ARL10: variants seen among roughly 807,000 people sequenced by gnomAD.
The protein encoded by ARL10 is ARF like GTPase 10, also known as ADP-ribosylation factor-like protein 10.
ARL10 carries 23 observed loss-of-function variants against 26.1 expected under a neutral mutation model. That is an observed-to-expected ratio of 0.88 (90% CI 0.63 to 1.25). The LOEUF (loss-of-function observed/expected upper bound fraction) is 1.25. Ranked by LOEUF, ARL10 falls within the 50% of genes most tolerant of loss-of-function variation. The pLI, the probability that ARL10 is intolerant of heterozygous loss-of-function variation, is 0.00. For synonymous variants in ARL10, 138 were observed against 149.1 expected (o/e 0.93, Z 0.54); for missense variants, 300 against 323.6 (o/e 0.93, Z 0.56).
At chr5:176,367,621 T>C (rs1581391955) in intron 2 of ARL10, among the ~76,000 whole-genome samples, 1 of 152,264 alleles carries the variant, frequency 6.6e-6, no homozygotes, top group East Asian at 1.9e-4. Context: ...CTTCTTGCAG[T>C]GCCTCAGCAC....
downstream of ARL10, among the ~76,000 whole-genome samples, chr5:176,390,133 G>A (rs925425922): frequency 7.2e-6 from 1 of 139,672 alleles, no homozygotes; most frequent in Non-Finnish European, 1.5e-5. Context: ...GGTGAGCTGA[G>A]ATCGCGCCAT....
rs1182578703 is a variant in ARL10 at position 176,380,810 on chromosome 5, G to C, written c.*8915G>C. The C allele has an allele frequency of 6.6e-6, 1 of 152,060 alleles. No individual in the cohort carries two copies. Among genetic ancestry groups the C allele is most frequent in the African/African-American group, 2.4e-5 (1 of 41,370 alleles). 9.4% of individuals were successfully genotyped at this position (152,060 alleles called of 1,614,324 possible). A position where few individuals can be genotyped will look rare whatever the true frequency, so the allele number is the denominator to read the frequency against. On this transcript the variant is annotated 3_prime_UTR_variant, in exon 4 of 4. Coordinates refer to ENST00000310389, the MANE Select transcript of ARL10 (RefSeq NM_173664.6). ...AGATAGAGTGTTGTTTTGTCGCCCA[G>C]GCTGGAGTGCAGTGGCGTGATCTCG...
chr5:176,383,534 T>C (rs2113571171), downstream of ARL10, among the ~76,000 whole-genome samples: 1 of 152,330 alleles, frequency 6.6e-6, no homozygotes. Context: ...GGGCCTCGGA[T>C]TCACTTCAGA....
chr5:176,365,737 C>A lies in ARL10; in HGVS notation c.174C>A (p.Asp58Glu). 1 of 1,236,020 alleles carries A rather than the reference C, an allele frequency of 8.1e-7. No homozygotes were observed. The highest frequency in any genetic ancestry group is 4.2e-5 in the Admixed American group (1 of 23,688). 76.6% of individuals were successfully genotyped at this position (1,236,020 alleles called of 1,614,324 possible). A position where few individuals can be genotyped will look rare whatever the true frequency, so the allele number is the denominator to read the frequency against. Residue 58 changes from aspartate to glutamate, a missense_variant, in exon 1 of 4, where the codon GAC becomes GAA. Transcript: ENST00000310389. ...GAEAARLPEW[D>E]EWDPEDEEDE... ...AGGCTGCCCGCCTCCCCGAGTGGGACGAGTGGGACGTGAGTGCCGGGCCGA... is the reference window on the plus strand; with the variant it reads ...AGGCTGCCCGCCTCCCCGAGTGGGAAGAGTGGGACGTGAGTGCCGGGCCGA...
downstream of ARL10, chr5:176,384,267 G>A (rs377105294): frequency 1.3e-5 from 21 of 1,614,088 alleles, no homozygotes; most frequent in East Asian, 4.5e-5. Context: ...GCAAAGAATC[G>A]AGGAAGTCTT....
At chr5:176,390,370 C>T (rs550613242), downstream of ARL10, among the ~76,000 whole-genome samples, 17 of 152,126 alleles carry the variant, frequency 1.1e-4, no homozygotes, top group East Asian at 5.8e-4. Flanking sequence ...CCCTCCACTC[C>T]GCATAACCTC....
intron 2 of ARL10, among the ~76,000 whole-genome samples, chr5:176,367,505 G>A (rs1371935591): frequency 6.6e-6 from 1 of 152,144 alleles, no homozygotes; most frequent in Non-Finnish European, 1.5e-5. Flanking sequence ...CCCATGTCAG[G>A]TAATGTCACT....
the ARL10 span, among the ~76,000 whole-genome samples, chr5:176,415,056 T>C: frequency 6.6e-6 from 1 of 152,238 alleles, no homozygotes; most frequent in Non-Finnish European, 1.5e-5. Context: ...AAACCTGTTT[T>C]GGATGTACCC....
At chr5:176,386,956 A>G in intron 1 of ARL10, 1 of 1,522,734 alleles carries the variant, frequency 6.6e-7, no homozygotes, top group Non-Finnish European at 9.1e-7. Context: ...TTGATGAGGG[A>G]AAGTTATAGA....
chr5:176,400,136 G>T (rs968816731), intron 1 of ARL10, among the ~76,000 whole-genome samples: 4 of 151,276 alleles, frequency 2.6e-5, no homozygotes, highest in Admixed American at 2.6e-4. Flanking sequence ...AGGGGAGGCT[G>T]CAGTGAGCCA....
chr5:176,387,318 A>G (rs1241244763), intron 1 of ARL10, among the ~76,000 whole-genome samples: 2 of 152,146 alleles, frequency 1.3e-5, no homozygotes, highest in Admixed American at 1.3e-4. Flanking sequence ...GGCCTCAAGT[A>G]ATCCGTCTGT....
downstream of ARL10, among the ~76,000 whole-genome samples, chr5:176,393,290 A>G (rs933171193): frequency 6.6e-6 from 1 of 152,212 alleles, no homozygotes; most frequent in Middle Eastern, 3.4e-3. This position sits in a 1 kb window ranked among gnomAD's most constrained non-coding sequence, Gnocchi z 4.4. Context: ...GGAGTTCCCA[A>G]CCTGAGGTTC....
At chr5:176,413,879 G>A in the ARL10 span, among the ~76,000 whole-genome samples, 1 of 152,210 alleles carries the variant, frequency 6.6e-6, no homozygotes, top group South Asian at 2.1e-4. Flanking sequence ...GCGCCTGGGA[G>A]ACCCTCAGAA....
downstream of ARL10, among the ~76,000 whole-genome samples, chr5:176,402,220 C>T (rs760633881): frequency 2.0e-5 from 3 of 152,156 alleles, no homozygotes; most frequent in Non-Finnish European, 2.9e-5. Context: ...GAGAATTGAA[C>T]CCGGGAGATG....
chr5:176,383,130 A>G (rs1375619995), downstream of ARL10, among the ~76,000 whole-genome samples: 1 of 152,122 alleles, frequency 6.6e-6, no homozygotes, highest in Non-Finnish European at 1.5e-5. Context: ...CAGACTTCAA[A>G]CCCCACCTTG....
chr5:176,371,875 C>T lies in ARL10; in HGVS notation c.715C>T (p.Leu239Phe). The T allele has an allele frequency of 6.2e-7, 1 of 1,614,150 alleles. No homozygotes were observed. The highest frequency in any genetic ancestry group is 1.7e-5 in the Admixed American group (1 of 60,010). ...EPGTVHIWKL[L>F]LELLS ...TGGCACCGTGCACATCTGGAAACTG[C>T]TCTTGGAGCTCCTCTCCTAGGCTGG... is the stretch of plus-strand genomic sequence containing the variant. The change falls in exon 4 of 4, where the codon CTC becomes TTC. Residue 239 changes from leucine to phenylalanine, a missense_variant. Transcript: ENST00000310389.
Position 176,380,066 on chromosome 5 carries a change from TAG to T in ARL10, c.*8176_*8177del, listed in dbSNP as rs1167356549. On this transcript the variant is annotated 3_prime_UTR_variant, in exon 4 of 4. Coordinates refer to ENST00000310389, the MANE Select transcript of ARL10 (RefSeq NM_173664.6). ...GGTTACAGCAGGCAGGCTGGTTGAC[TAG>T]AGAGTCTCACTTTGTAAGGCATTTG... 3 of 152,218 alleles carry T rather than the reference TAG, an allele frequency of 2.0e-5. No homozygotes were observed. The highest frequency in any genetic ancestry group is 7.2e-5 in the African/African-American group (3 of 41,464). The allele number at this position is 152,218 out of a possible 1,614,324, so 9.4% of individuals were successfully genotyped here.
Position 176,368,629 on chromosome 5 carries a change from G to A in ARL10, c.386-178G>A, listed in dbSNP as rs575433632. Reference sequence around the variant, plus strand: ...AAACTGCGGTCTTTTCCTTGCCCCCGGCTGGTGGAAGCTCACTAAGCTAGA... The same window carrying A: ...AAACTGCGGTCTTTTCCTTGCCCCCAGCTGGTGGAAGCTCACTAAGCTAGA... On this transcript the variant is annotated intron_variant, in intron 2 of 3. Transcript: ENST00000310389. This position sits in a 1 kb window ranked among gnomAD's most constrained non-coding sequence, Gnocchi z 4.1. Among the ~76,000 whole-genome samples, 13 of 151,572 alleles carry A rather than the reference G, an allele frequency of 8.6e-5. No homozygotes were observed. The highest frequency in any genetic ancestry group is 3.3e-4 in the Admixed American group (5 of 15,226).
chr5:176,406,686 T>C (rs1469580439), downstream of ARL10: 1 of 1,288,708 alleles, frequency 7.8e-7, no homozygotes, highest in South Asian at 1.2e-5. Flanking sequence ...GGTTTGTAGC[T>C]GGACCCGCTG....
Sources: allele counts gnomAD v4.1 joint callset (sites outside exome capture counted in the v4.1 genomes callset), GRCh38; gene constraint gnomAD v4.1.1; non-coding constraint Gnocchi (gnomAD v3.1); transcripts MANE v1.5; gene names NCBI Gene and HGNC (gene_info 2026-07-23, HGNC 2026-07-21).